The following UNC93B1 variants were observed in gnomAD, a reference collection of about 807,000 sequenced individuals.
UNC93B1 encodes the protein protein unc-93 homolog B1.
A neutral mutation model predicts 56.8 loss-of-function variants in UNC93B1; 33 were observed. That is an observed-to-expected ratio of 0.58 (90% CI 0.44 to 0.78). UNC93B1 has a LOEUF of 0.78. UNC93B1 is among the 30% of genes least tolerant of loss of function. The pLI is 0.00. For missense variants in UNC93B1, 673 were observed against 819.5 expected (o/e 0.82, Z 2.18); for synonymous variants, 334 against 358.6 (o/e 0.93, Z 0.77).
intron 10 of UNC93B1, among the ~76,000 whole-genome samples, chr11:67,992,159 G>A (rs1226474296): frequency 1.3e-5 from 2 of 152,250 alleles, no homozygotes; most frequent in Non-Finnish European, 2.9e-5. Context: ...TAAAGTGCTG[G>A]CCACAGGCCC....
chr11:67,997,785 C>G lies in UNC93B1; in HGVS notation c.796G>C (p.Gly266Arg). 1 of 1,608,220 alleles carries G rather than the reference C, an allele frequency of 6.2e-7. No homozygotes were observed. Among genetic ancestry groups the G allele is most frequent in the Non-Finnish European group, 8.5e-7 (1 of 1,179,236 alleles). ...NVQSCGTNSHGILSGFNKTVL... is the reference protein window; with the variant it reads ...NVQSCGTNSHRILSGFNKTVL... ...GTCTTGTTGAAGCCGCTGAGGATCC[C>G]GTGGCTGTTGGTGCCTGGGAAGGGT... The change falls in exon 7 of 11, where the codon GGG becomes CGG. Residue 266 changes from glycine to arginine, a missense_variant. Around this residue, in one of 3 missense-constraint regions of UNC93B1, gnomAD observed 438 missense variants for 465.9 expected, o/e 0.94. Transcript: ENST00000227471.
At chr11:67,998,215 A>T in intron 6 of UNC93B1, 144 bp downstream of exon 6, 2 of 908,652 alleles carry the variant, frequency 2.2e-6, no homozygotes, top group Non-Finnish European at 3.5e-6. Context: ...CTAACTACTT[A>T]CTCCTACAGG....
At position 67,997,734 on chromosome 11, in the gene UNC93B1, C is replaced by T. The variant is rs748295447; in HGVS notation, c.847G>A (p.Gly283Arg). ...ACGCTCTCCACCACAATGAGGTTTC[C>T]GCTCCGCGGGAGCGTCCGCAGAACC... ...KTVLRTLPRS[G>R]NLIVVESVLM... is the part of the protein sequence containing the mutation. Residue 283 changes from glycine to arginine, a missense_variant, in exon 7 of 11, where the codon GGA (glycine) becomes AGA (arginine). Physicochemically the swap from Gly to Arg is moderately radical, Grantham distance 125 (BLOSUM62 -2). This residue lies in a region of UNC93B1 where 438 missense variants were observed against 465.9 expected (regional missense o/e 0.94). Transcript: ENST00000227471. 4 of 1,609,684 alleles carry T rather than the reference C, an allele frequency of 2.5e-6. No individual in the cohort carries two copies. Among genetic ancestry groups the T allele is most frequent in the African/African-American group, 2.7e-5 (2 of 74,948 alleles).
At chr11:67,995,984 G>T in intron 8 of UNC93B1, 100 bp from the exon 9 acceptor site, 2 of 1,134,596 alleles carry the variant, frequency 1.8e-6, no homozygotes, top group Non-Finnish European at 2.4e-6. Context: ...CCTGCGATGG[G>T]GGTCCTAAGA....
At chr11:68,000,108 C>T (rs1272481289) in intron 3 of UNC93B1, among the ~76,000 whole-genome samples, 1 of 152,210 alleles carries the variant, frequency 6.6e-6, no homozygotes. Flanking sequence ...GAGCCAGAGT[C>T]CCGGCACCCC....
chr11:67,995,945 C>G (rs1856937935), intron 8 of UNC93B1, 61 bp from the exon 9 acceptor site: 3 of 1,300,790 alleles, frequency 2.3e-6, no homozygotes, highest in African/African-American at 5.3e-5. Flanking sequence ...AGTCTCAGCC[C>G]TCCCCGCATC....
At chr11:67,997,193 T>G (rs978847267) in intron 7 of UNC93B1, among the ~76,000 whole-genome samples, 13 of 63,222 alleles carry the variant, frequency 2.1e-4, no homozygotes, top group Non-Finnish European at 3.2e-4. Context: ...CGGCCCCGCG[T>G]CCCAGCACTA....
chr11:67,992,362 C>T (rs1463245587), intron 10 of UNC93B1, among the ~76,000 whole-genome samples: 2 of 152,146 alleles, frequency 1.3e-5, no homozygotes, highest in Non-Finnish European at 2.9e-5. Flanking sequence ...TTCCCCACCG[C>T]GCCCCCTCCC....
rs1856838815 is a variant in UNC93B1 at position 67,991,497 on chromosome 11, A to G, written c.*49T>C. On this transcript the variant is annotated 3_prime_UTR_variant, in exon 11 of 11. Coordinates refer to ENST00000227471, the MANE Select transcript of UNC93B1 (RefSeq NM_030930.4). ...GGTCCCCCCGACCTCAGACGTGGTA[A>G]ACTGAGGCCGGCGAGGAGGGAGGCT... is the stretch of plus-strand genomic sequence containing the variant. The G allele has an allele frequency of 8.7e-6, 12 of 1,373,580 alleles. No individual in the cohort carries two copies. The highest frequency in any genetic ancestry group is 1.0e-5 in the Non-Finnish European group (11 of 1,068,802). 85.1% of individuals were successfully genotyped at this position (1,373,580 alleles called of 1,614,324 possible).
intron 9 of UNC93B1, among the ~76,000 whole-genome samples, 170 bp downstream of exon 9, chr11:67,995,441 C>T (rs1324135956): frequency 1.3e-5 from 2 of 152,044 alleles, no homozygotes; most frequent in African/African-American, 2.4e-5. Context: ...CTTCCACCCC[C>T]GGAGTGTCCA....
In UNC93B1 at chr11:68,003,229, C is replaced by A; in HGVS notation, c.239-54G>T. ...GGGAGCAGCCTAGCTTTGGGCGCCA[C>A]CGAGCAGAAGACGGCATGCAGGCCT... On this transcript the variant is annotated intron_variant, in intron 2 of 10. Coordinates refer to ENST00000227471, the MANE Select transcript of UNC93B1 (RefSeq NM_030930.4). The surrounding 1 kb of genome is among the most constrained non-coding windows in gnomAD (Gnocchi z 4.4). The A allele has an allele frequency of 6.5e-7, 1 of 1,536,790 alleles. No homozygotes were observed. Among genetic ancestry groups the A allele is most frequent in the Non-Finnish European group, 8.7e-7 (1 of 1,147,826 alleles).
rs1171666833 is a variant in UNC93B1 at position 67,991,761 on chromosome 11, GC to G, written c.1578del (p.Gln526HisfsTer93). ...TTGTGCTGGGGCCGCGGGATGCGGG[GC>G]TGGCGCGGGGCCACGCCCCGGCGCA... Reference protein sequence around the residue: ...QKLRRGVAPRQPRIPRPQHKV... With the variant: ...QKLRRGVAPRXPRIPRPQHKV... On this transcript the variant is annotated frameshift_variant, in exon 11 of 11. Transcript: ENST00000227471. LOFTEE classifies it high-confidence loss of function. The G allele has an allele frequency of 1.7e-5, 26 of 1,540,538 alleles. No homozygotes were observed. Among genetic ancestry groups the G allele is most frequent in the Non-Finnish European group, 2.2e-5 (25 of 1,150,862 alleles).
chr11:67,999,773 C>T (rs902225825), intron 3 of UNC93B1, 93 bp from the exon 4 acceptor site: 113 of 1,494,842 alleles, frequency 7.6e-5, no homozygotes, highest in Non-Finnish European at 9.9e-5. Flanking sequence ...TCCCAGCTCA[C>T]AGGGCTTTGT....
At chr11:67,997,164 C>A (rs148327744) in intron 7 of UNC93B1, among the ~76,000 whole-genome samples, 226 of 151,104 alleles carry the variant, frequency 1.5e-3, no homozygotes, top group African/African-American at 5.2e-3. Flanking sequence ...CCCCGCCCCT[C>A]GGACACACCC....
chr11:67,992,998 A>G lies in UNC93B1; in HGVS notation c.1482+678T>C, dbSNP rs189879810. Among the ~76,000 whole-genome samples, 485 of 150,790 alleles carry G rather than the reference A, an allele frequency of 3.2e-3. 1 individual carries two copies. The highest frequency in any genetic ancestry group is 0.011 in the African/African-American group (453 of 40,926). ...TATTTTTAGTTCTATTTTTATTTTT[A>G]TTTTGAGACGGAGTTTCGCTCTTGT... On this transcript the variant is annotated intron_variant, in intron 10 of 10. Coordinates refer to ENST00000227471, the MANE Select transcript of UNC93B1 (RefSeq NM_030930.4).
In UNC93B1 at chr11:67,999,245, C is replaced by T; in HGVS notation, c.615G>A (p.Lys205=). ...HYKEQDGQGM[K]QRPPRGSHAP... is the part of the protein sequence containing the mutation. ...CGTGGGAGCCCCGCGGAGGCCGCTG[C>T]TTCATCCCCTGCCCATCCTGCTCCT... Residue 205 remains lysine, a synonymous_variant, in exon 5 of 11, where the codon AAG becomes AAA. Transcript: ENST00000227471. 1 of 1,613,684 alleles carries T rather than the reference C, an allele frequency of 6.2e-7. No homozygotes were observed.
chr11:67,997,156 C>A (rs971093270), intron 7 of UNC93B1, among the ~76,000 whole-genome samples: 14 of 151,610 alleles, frequency 9.2e-5, no homozygotes, highest in African/African-American at 1.5e-4. Flanking sequence ...AGGCTAGTCC[C>A]CGCCCCTCGG....
At chr11:67,995,504 G>A (rs1267293838) in intron 9 of UNC93B1, 107 bp downstream of exon 9, 22 of 955,890 alleles carry the variant, frequency 2.3e-5, no homozygotes, top group Non-Finnish European at 3.0e-5. Flanking sequence ...GTGACCATGG[G>A]ACCCCATATC....
intron 3 of UNC93B1, among the ~76,000 whole-genome samples, chr11:68,002,629 A>C (rs1857065634): frequency 6.6e-6 from 1 of 152,096 alleles, no homozygotes; most frequent in South Asian, 2.1e-4. Flanking sequence ...CACCAGTCAC[A>C]GCGACTGGGC....
Sources: allele counts gnomAD v4.1 joint callset (sites outside exome capture counted in the v4.1 genomes callset), GRCh38; gene constraint gnomAD v4.1.1; regional missense constraint gnomAD v4.1.1; non-coding constraint Gnocchi (gnomAD v3.1); transcripts MANE v1.5; gene names NCBI Gene and HGNC (gene_info 2026-07-23, HGNC 2026-07-21).